PMF1: variants seen among roughly 807,000 people sequenced by gnomAD.
The protein encoded by PMF1 is polyamine-modulated factor 1.
In PMF1, 21 loss-of-function variants were observed where a neutral mutation model predicts 26.7. That is an observed-to-expected ratio of 0.79 (90% CI 0.56 to 1.13). The LOEUF (loss-of-function observed/expected upper bound fraction) is 1.13. Among genes scored for constraint, PMF1 ranks in the 50% most tolerant of loss-of-function variants. PMF1 has a pLI of 0.00. For synonymous variants in PMF1, 105 were observed against 101.0 expected (o/e 1.04, Z -0.24); for missense variants, 266 against 254.9 (o/e 1.04, Z -0.30).
chr1:156,232,345 A>G lies in PMF1; in HGVS notation c.187A>G (p.Lys63Glu). The G allele has an allele frequency of 1.2e-6, 2 of 1,614,080 alleles. No homozygotes were observed. The highest frequency in any genetic ancestry group is 2.2e-5 in the South Asian group (2 of 91,076). Reference sequence around the variant, plus strand: ...CTACCAGAGATTCACTGACTGCTATAAGTGCTTCTACCAGTTGCAGCCTGC... The same window carrying G: ...CTACCAGAGATTCACTGACTGCTATGAGTGCTTCTACCAGTTGCAGCCTGC... The part of the protein sequence containing the change: ...GSYQRFTDCY[K>E]CFYQLQPAMT... Residue 63 changes from lysine (K) to glutamate (E), a missense_variant, in exon 2 of 5, where the codon AAG (lysine) becomes GAG (glutamate). Lys to Glu is a moderately conservative substitution (Grantham distance 56). Coordinates refer to ENST00000368277, the MANE Select transcript of PMF1 (RefSeq NM_007221.4).
chr1:156,223,865 C>G (rs1658213788), intron 1 of PMF1: 1 of 152,204 alleles, frequency 6.6e-6, no homozygotes, highest in Non-Finnish European at 1.5e-5. Context: ...ATCTGCAGTC[C>G]CTTTGACGGC....
chr1:156,236,596 G>A, intron 4 of PMF1, 113 bp downstream of exon 4: 2 of 1,364,542 alleles, frequency 1.5e-6, no homozygotes, highest in African/African-American at 1.5e-5. Context: ...GGGTAGGAGA[G>A]CTTGCCCCCT....
chr1:156,236,538 C>T, intron 4 of PMF1, 55 bp downstream of exon 4: 1 of 1,529,670 alleles, frequency 6.5e-7, no homozygotes, highest in South Asian at 1.2e-5. Context: ...CCTCTGAGAT[C>T]CGCAAATTGG....
rs116194414 is a variant in PMF1 at position 156,236,775 on chromosome 1, C to T, written c.564+292C>T. 2,148 of 433,670 alleles carry T rather than the reference C, an allele frequency of 5.0e-3. 49 individuals carry two copies. Among genetic ancestry groups the T allele is most frequent in the African/African-American group, 0.039 (2,029 of 51,732 alleles). 26.9% of individuals were successfully genotyped at this position (433,670 alleles called of 1,614,324 possible). On this transcript the variant is annotated intron_variant, in intron 4 of 4. Coordinates refer to ENST00000368277, the MANE Select transcript of PMF1 (RefSeq NM_007221.4). ...AGGTGAGTCACCCAAGGTAACAGCG[C>T]CTCCACATCAGATTTGGAGTTAAAA...
chr1:156,224,637 G>A (rs1658254680), intron 1 of PMF1, among the ~76,000 whole-genome samples: 1 of 151,950 alleles, frequency 6.6e-6, no homozygotes, highest in Admixed American at 6.6e-5. Context: ...GGTGACAGGG[G>A]CCTGTAGTCC....
chr1:156,218,406 C>G (rs1478591650), intron 1 of PMF1, among the ~76,000 whole-genome samples: 1 of 152,146 alleles, frequency 6.6e-6, no homozygotes, highest in East Asian at 1.9e-4. Flanking sequence ...GCAGTTATGC[C>G]TGCAGACCCT....
intron 1 of PMF1, among the ~76,000 whole-genome samples, chr1:156,218,664 C>G (rs965223262): frequency 5.3e-5 from 8 of 152,066 alleles, no homozygotes; most frequent in African/African-American, 1.9e-4. Flanking sequence ...CACCTGTAGT[C>G]CCAGCTACTC....
chr1:156,234,355 G>A lies in PMF1; in HGVS notation c.368+627G>A, dbSNP rs557548019. 1.2e-4 allele frequency among the ~76,000 whole-genome samples: 18 copies of A among 152,162 alleles called. No individual in the cohort carries two copies. The East Asian group carries it at 3.5e-3, about 29-fold the overall frequency. On this transcript the variant is annotated intron_variant, in intron 3 of 4. Coordinates refer to ENST00000368277, the MANE Select transcript of PMF1 (RefSeq NM_007221.4). ...GGTCTGTTGGTCCTGTGGGAGAAAGGGTGGGTGGGGGGAGTGGGAGGAGGC... is the reference window on the plus strand; with the variant it reads ...GGTCTGTTGGTCCTGTGGGAGAAAGAGTGGGTGGGGGGAGTGGGAGGAGGC...
intron 1 of PMF1, among the ~76,000 whole-genome samples, chr1:156,214,696 C>T (rs1247874245): frequency 6.6e-6 from 1 of 151,174 alleles, no homozygotes; most frequent in African/African-American, 2.4e-5. Flanking sequence ...TGAGTTATAA[C>T]AGCCCCATTG....
At chr1:156,233,917 G>T (rs1164451261) in intron 3 of PMF1, among the ~76,000 whole-genome samples, 189 bp downstream of exon 3, 1 of 151,868 alleles carries the variant, frequency 6.6e-6, no homozygotes, top group African/African-American at 2.4e-5. Context: ...TGCCTGGACA[G>T]TTCAGCTTCT....
At chr1:156,228,256 A>ATTT (rs772709878) in intron 1 of PMF1, among the ~76,000 whole-genome samples, 405 of 33,548 alleles carry the variant, frequency 0.012, 106 homozygotes, top group African/African-American at 0.033. Flanking sequence ...GCACCTGGCG[A>ATTT]TTTTTTTTTT....
At chr1:156,224,632 CAG>C (rs778376843) in intron 1 of PMF1, among the ~76,000 whole-genome samples, 2 of 151,892 alleles carry the variant, frequency 1.3e-5, no homozygotes, top group South Asian at 2.1e-4. Context: ...GGTGTGGTGA[CAG>C]GGGCCTGTAG....
At chr1:156,232,849 C>T (rs2736609) in intron 2 of PMF1, among the ~76,000 whole-genome samples, 51,646 of 151,156 alleles carry the variant, frequency 0.34, 8,913 homozygotes, top group Non-Finnish European at 0.36. Context: ...AACTACCAGC[C>T]TACAGGCTCT....
At chr1:156,225,656 A>G (rs529889618) in intron 1 of PMF1, 177 of 1,557,448 alleles carry the variant, frequency 1.1e-4, no homozygotes, top group Non-Finnish European at 1.5e-4. Flanking sequence ...GCAGGTTACC[A>G]CAGGGGAGGA....
chr1:156,230,114 C>T (rs956969394), intron 1 of PMF1, among the ~76,000 whole-genome samples: 3 of 152,216 alleles, frequency 2.0e-5, no homozygotes, highest in African/African-American at 7.2e-5. Flanking sequence ...CAGTGACTCC[C>T]TGGCTAGGGG....
chr1:156,225,705 G>GT, intron 1 of PMF1: 1 of 1,011,730 alleles, frequency 9.9e-7, no homozygotes, highest in Non-Finnish European at 1.5e-6. Context: ...CCTTAGCACT[G>GT]TGTACACCGT....
intron 3 of PMF1, among the ~76,000 whole-genome samples, chr1:156,235,651 C>T (rs961179638): frequency 6.6e-6 from 1 of 151,552 alleles, no homozygotes; most frequent in African/African-American, 2.4e-5. Context: ...CCATGTTAGC[C>T]AGGATGCTCT....
rs374432916 is a variant in PMF1, at chr1:156,232,278, A to G, written c.162-42A>G. 45 of 1,596,966 alleles carry G rather than the reference A, an allele frequency of 2.8e-5. No homozygotes were observed. The African/African-American group carries it at 5.5e-4, about 20-fold the overall frequency. On this transcript the variant is annotated intron_variant, in intron 1 of 4. Coordinates refer to ENST00000368277, the MANE Select transcript of PMF1 (RefSeq NM_007221.4). ...CCCAGGCAGGCTGATGGCCGGCCTC[A>G]TGCTTGGCCCTCCCCACCTTTGCTT... is the stretch of plus-strand genomic sequence containing the variant.
rs1381486325 is a variant in PMF1, at chr1:156,213,094, C to T, written c.79C>T (p.Pro27Ser). Residue 27 changes from proline (P) to serine (S), a missense_variant, in exon 1 of 5, where the codon CCA (proline) becomes TCA (serine). Transcript: ENST00000368277. Reference protein sequence around the residue: ...RHEGSSSESVPPGTTISRVKL... With the variant: ...RHEGSSSESVSPGTTISRVKL... ...TGAGGGGTCGTCTTCGGAATCTGTG[C>T]CACCCGGCACTACCATTTCGAGGGT... 3 of 1,614,240 alleles carry T rather than the reference C, an allele frequency of 1.9e-6. No homozygotes were observed. In the African/African-American group the frequency reaches 4.0e-5, roughly 22 times the overall value.
Sources: gnomAD v4.1 joint callset for allele counts (sites outside exome capture counted in the v4.1 genomes callset) on GRCh38, gnomAD v4.1.1 for gene constraint, MANE v1.5 for transcripts, NCBI Gene and HGNC (gene_info 2026-07-23, HGNC 2026-07-21) for gene names.